RASSF9: variants seen among roughly 807,000 people sequenced by gnomAD.
The protein encoded by RASSF9 is Ras association domain family member 9.
A neutral mutation model predicts 21.4 loss-of-function variants in RASSF9; 18 were observed. The ratio of observed to expected loss-of-function variants is 0.84; its 90% CI spans 0.58 to 1.25. The LOEUF (loss-of-function observed/expected upper bound fraction) is 1.25, where lower values mean the gene tolerates loss of function less well. RASSF9 is among the 50% of genes most tolerant of loss of function. The pLI, the probability that RASSF9 is intolerant of heterozygous loss-of-function variation, is 0.00. For missense variants in RASSF9, 480 were observed against 503.2 expected, an observed-to-expected ratio of 0.95 and a Z score of 0.44; for synonymous variants, 183 against 179.1, an observed-to-expected ratio of 1.02 and a Z score of -0.18.
At chr12:85,833,725 T>C (rs1454739383) in intron 1 of RASSF9, among the ~76,000 whole-genome samples, 1 of 152,002 alleles carries the variant, frequency 6.6e-6, no homozygotes, top group African/African-American at 2.4e-5. Flanking sequence ...TATGCTCAAG[T>C]AGTTTTTTGT....
Position 85,810,767 on chromosome 12 carries a change from T to C in RASSF9, c.48-4805A>G, listed in dbSNP as rs1192517562. ...TACAAATTTAGACTAGATAGCTTGG[T>C]TCGTTATGTAATACCATGTAACAAA... is the stretch of plus-strand genomic sequence containing the variant. On this transcript the variant is annotated intron_variant, in intron 1 of 1. Transcript: ENST00000361228. Among the ~76,000 whole-genome samples the C allele has an allele frequency of 3.3e-5, 5 of 152,058 alleles. No homozygotes were observed. The East Asian group carries it at 9.7e-4, about 29-fold the overall frequency.
intron 1 of RASSF9, among the ~76,000 whole-genome samples, chr12:85,821,146 A>C (rs1193807669): frequency 6.6e-6 from 1 of 152,124 alleles, no homozygotes; most frequent in Non-Finnish European, 1.5e-5. Context: ...AAATAAATAA[A>C]AAATAAAAGA....
rs535177800 is a variant in RASSF9 at position 85,825,363 on chromosome 12, T to C, written c.47+10792A>G. Among the ~76,000 whole-genome samples the C allele has an allele frequency of 8.6e-5, 13 of 151,998 alleles. No homozygotes were observed. In the East Asian group the frequency reaches 2.5e-3, roughly 29 times the overall value. On this transcript the variant is annotated intron_variant, in intron 1 of 1. Coordinates refer to ENST00000361228, the MANE Select transcript of RASSF9 (RefSeq NM_005447.4). ...GTAGGTATTAAACTTGGGAGTGGGG[T>C]AGAGATGAGAAGGGGGAGTTTTAGG... is the stretch of plus-strand genomic sequence containing the variant.
intron 1 of RASSF9, among the ~76,000 whole-genome samples, chr12:85,820,394 C>A (rs2136558300): frequency 6.6e-6 from 1 of 152,226 alleles, no homozygotes; most frequent in South Asian, 2.1e-4. Context: ...AATTTCTTCA[C>A]TTTAGGAATT....
chr12:85,836,391 TGA>T lies in RASSF9; in HGVS notation c.-192_-191del. ...AAGTTGTGCAACTGCTGCTTAACTT[TGA>T]ACTGCGGGATTGTTGTGGCTGCTGC... On this transcript the variant is annotated 5_prime_UTR_variant, in exon 1 of 2. Coordinates refer to ENST00000361228, the MANE Select transcript of RASSF9 (RefSeq NM_005447.4). 1 of 1,287,570 alleles carries T rather than the reference TGA, an allele frequency of 7.8e-7. No individual in the cohort carries two copies. The highest frequency in any genetic ancestry group is 1.0e-6 in the Non-Finnish European group (1 of 955,322). 79.8% of individuals were successfully genotyped at this position (1,287,570 alleles called of 1,614,324 possible). A position where few individuals can be genotyped will look rare whatever the true frequency, so the allele number is the denominator to read the frequency against.
At position 85,804,637 on chromosome 12, in the gene RASSF9, G is replaced by T. The variant is rs1879774310; in HGVS notation, c.*65C>A. 1.4e-6 allele frequency: 2 copies of T among 1,404,694 alleles called. No homozygotes were observed. The highest frequency in any genetic ancestry group is 2.4e-5 in the Admixed American group (1 of 41,250). The allele number at this position is 1,404,694 out of a possible 1,614,324, so 87.0% of individuals were successfully genotyped here. A position where few individuals can be genotyped will look rare whatever the true frequency, so the allele number is the denominator to read the frequency against. On this transcript the variant is annotated 3_prime_UTR_variant, in exon 2 of 2. Coordinates refer to ENST00000361228, the MANE Select transcript of RASSF9 (RefSeq NM_005447.4). The stretch of plus-strand genomic sequence containing the variant: ...TTTTTTTGAGTGTTATATTTAAAAT[G>T]AGGTTTCCTATTAAATTAAACAAAC...
Position 85,818,480 on chromosome 12 carries a change from AT to A in RASSF9, c.48-12519del, listed in dbSNP as rs1250578674. 5.3e-5 allele frequency among the ~76,000 whole-genome samples: 8 copies of A among 152,344 alleles called. No individual in the cohort carries two copies. In the East Asian group the frequency reaches 1.5e-3, roughly 29 times the overall value. On this transcript the variant is annotated intron_variant, in intron 1 of 1. Coordinates refer to ENST00000361228, the MANE Select transcript of RASSF9 (RefSeq NM_005447.4). ...AAACAAAATATAATATCTGAGTTCG[AT>A]TTGAACCTATTGAGAAAATTTGCTT... is the stretch of plus-strand genomic sequence containing the variant.
chr12:85,807,781 A>G (rs1879867539), intron 1 of RASSF9, among the ~76,000 whole-genome samples: 1 of 152,182 alleles, frequency 6.6e-6, no homozygotes, highest in Non-Finnish European at 1.5e-5. Flanking sequence ...GTAGTAAAAG[A>G]AGCAAAAATT....
intron 1 of RASSF9, among the ~76,000 whole-genome samples, chr12:85,831,827 C>G (rs893024027): frequency 1.3e-5 from 2 of 151,862 alleles, no homozygotes; most frequent in African/African-American, 4.8e-5. Flanking sequence ...TTCTTTCTTC[C>G]GATGAAGCAA....
rs373847900 is a variant in RASSF9, at chr12:85,804,834, C to T, written c.1176G>A (p.Gly392=). The T allele has an allele frequency of 3.2e-5, 51 of 1,613,200 alleles. No individual in the cohort carries two copies. Among genetic ancestry groups the T allele is most frequent in the Non-Finnish European group, 3.8e-5 (45 of 1,179,308 alleles). Residue 392 remains glycine (G), a synonymous_variant, in exon 2 of 2, where the codon GGG becomes GGA. Transcript: ENST00000361228. ...CTCTTTGAGTAAAGGGAGGAATCTC[C>T]CCATTGCTACTGGGAACCTCAGATT... is the stretch of plus-strand genomic sequence containing the variant. ...AKESEVPSSN[G]EIPPFTQRVF...
intron 1 of RASSF9, among the ~76,000 whole-genome samples, chr12:85,823,684 T>C (rs1039276426): frequency 1.3e-5 from 2 of 152,180 alleles, no homozygotes; most frequent in African/African-American, 4.8e-5. Flanking sequence ...TAATTCTTTT[T>C]GGAATGCAGT....
rs79649432 is a variant in RASSF9, at chr12:85,836,210, G to A, written c.-9C>T. On this transcript the variant is annotated 5_prime_UTR_variant, in exon 1 of 2. Transcript: ENST00000361228. ...CTTCCAAAGGGAGCCATGGTCTGTC[G>A]GGCAAACGAATAAAGAAATTATCTT... 5.8e-3 allele frequency: 8,849 copies of A among 1,522,298 alleles called. 440 individuals carry two copies. In the African/African-American group the frequency reaches 0.1, roughly 18 times the overall value. 94.3% of individuals were successfully genotyped at this position (1,522,298 alleles called of 1,614,324 possible).
chr12:85,820,306 C>G (rs577167649), intron 1 of RASSF9, among the ~76,000 whole-genome samples: 3 of 152,134 alleles, frequency 2.0e-5, no homozygotes, highest in African/African-American at 7.2e-5. Flanking sequence ...AGAGAGTGAT[C>G]TTATGGTTCA....
At chr12:85,806,299 C>G (rs1230597705) in intron 1 of RASSF9, among the ~76,000 whole-genome samples, 1 of 151,234 alleles carries the variant, frequency 6.6e-6, no homozygotes, top group Non-Finnish European at 1.5e-5. Context: ...ATCCACCCGT[C>G]TCGGCCTCCC....
At chr12:85,821,620 T>C (rs1880212692) in intron 1 of RASSF9, among the ~76,000 whole-genome samples, 1 of 152,176 alleles carries the variant, frequency 6.6e-6, no homozygotes, top group South Asian at 2.1e-4. Context: ...AAAAATTATC[T>C]TGAAAATTAA....
At position 85,803,840 on chromosome 12, in the gene RASSF9, G is replaced by A. The variant is rs1204375198; in HGVS notation, c.*862C>T. 2.0e-5 allele frequency: 3 copies of A among 152,180 alleles called. No homozygotes were observed. Among genetic ancestry groups the A allele is most frequent in the Non-Finnish European group, 4.4e-5 (3 of 68,032 alleles). 9.4% of individuals were successfully genotyped at this position (152,180 alleles called of 1,614,324 possible). A position where few individuals can be genotyped will look rare whatever the true frequency, so the allele number is the denominator to read the frequency against. ...AGACAAAATGCTAATAATTATAGCA[G>A]ATTCTATTTTATCCACAGAAGGGTT... On this transcript the variant is annotated 3_prime_UTR_variant, in exon 2 of 2. Coordinates refer to ENST00000361228, the MANE Select transcript of RASSF9 (RefSeq NM_005447.4).
At chr12:85,809,608 G>C (rs1332066894) in intron 1 of RASSF9, among the ~76,000 whole-genome samples, 2 of 151,638 alleles carry the variant, frequency 1.3e-5, no homozygotes, top group African/African-American at 4.8e-5. Flanking sequence ...CCCTACACTA[G>C]AGCTCTGAAG....
rs571395017 is a variant in RASSF9 at position 85,835,429 on chromosome 12, G to C, written c.47+726C>G. On this transcript the variant is annotated intron_variant, in intron 1 of 1. Transcript: ENST00000361228. ...AAATACGTGTGTGTATGTGTGTTTTGAGTAACTTATTTATACTATGGGCAT... is the reference window on the plus strand; with the variant it reads ...AAATACGTGTGTGTATGTGTGTTTTCAGTAACTTATTTATACTATGGGCAT... Among the ~76,000 whole-genome samples the C allele has an allele frequency of 1.3e-3, 203 of 152,194 alleles. 1 individual carries two copies. Among genetic ancestry groups the C allele is most frequent in the African/African-American group, 4.7e-3 (196 of 41,542 alleles).
intron 1 of RASSF9, among the ~76,000 whole-genome samples, chr12:85,834,485 G>A (rs1404968795): frequency 6.6e-6 from 1 of 152,110 alleles, no homozygotes; most frequent in Non-Finnish European, 1.5e-5. Flanking sequence ...TGGCAGAACT[G>A]ATGTAATGAA....
Sources: allele counts gnomAD v4.1 joint callset (sites outside exome capture counted in the v4.1 genomes callset), GRCh38; gene constraint gnomAD v4.1.1; transcripts MANE v1.5; gene names NCBI Gene and HGNC (gene_info 2026-07-23, HGNC 2026-07-21).